ZNF254: variants seen among roughly 807,000 people sequenced by gnomAD.
ZNF254 encodes zinc finger protein 254, also known as CTD-2017D11.1.
In ZNF254, 10 loss-of-function variants were observed where a neutral mutation model predicts 12.4. That is an observed-to-expected ratio of 0.80 (90% confidence interval 0.50 to 1.36). ZNF254 has a LOEUF of 1.36. ZNF254 is among the 40% of genes most tolerant of loss of function. The pLI, the probability that ZNF254 is intolerant of heterozygous loss-of-function variation, is 0.00. For synonymous variants in ZNF254, 305 were observed against 253.4 expected, an observed-to-expected ratio of 1.20 and a Z score of -1.93; for missense variants, 996 against 763.9, an observed-to-expected ratio of 1.30 and a Z score of -3.58.
chr19:24,054,930 C>T (rs897963640), intron 2 of ZNF254, among the ~76,000 whole-genome samples: 6 of 151,936 alleles, frequency 3.9e-5, no homozygotes, highest in African/African-American at 7.2e-5. Flanking sequence ...ACTAACCAGG[C>T]GCAGTGGCTC....
upstream of ZNF254, among the ~76,000 whole-genome samples, chr19:24,082,181 T>G (rs2145584384): frequency 6.6e-6 from 1 of 151,656 alleles, no homozygotes; most frequent in Non-Finnish European, 1.5e-5. Context: ...ATTAAGAAGA[T>G]TCTTTATCAC....
At chr19:24,081,021 G>C (rs1332457660) in intron 2 of ZNF254, among the ~76,000 whole-genome samples, 1 of 151,040 alleles carries the variant, frequency 6.6e-6, no homozygotes, top group East Asian at 1.9e-4. Flanking sequence ...AAGTTGCAGT[G>C]AGCTGAGATC....
chr19:24,124,552 T>C (rs993999705), intron 3 of ZNF254, among the ~76,000 whole-genome samples: 9 of 152,160 alleles, frequency 5.9e-5, no homozygotes, highest in African/African-American at 2.2e-4. Context: ...CAATATACTT[T>C]TTTAGAATTT....
chr19:24,100,736 C>A (rs991648299), intron 1 of ZNF254, among the ~76,000 whole-genome samples: 1 of 150,752 alleles, frequency 6.6e-6, no homozygotes, highest in African/African-American at 2.4e-5. Flanking sequence ...AATCAAAGTG[C>A]AAATTCCAGG....
At chr19:24,107,833 T>C (rs1217208598) in intron 3 of ZNF254, among the ~76,000 whole-genome samples, 2 of 152,166 alleles carry the variant, frequency 1.3e-5, no homozygotes, top group Non-Finnish European at 2.9e-5. Context: ...CCCAGAGTGA[T>C]AGAATGTCCT....
In ZNF254 at chr19:24,129,225, G is replaced by C. The variant is rs1044856144; in HGVS notation, c.*1245G>C. ...CATTCTTAATTTTAGTTAAAATTAAGTTAGTCATATGTTATTTTATTAATT... is the reference window on the plus strand; with the variant it reads ...CATTCTTAATTTTAGTTAAAATTAACTTAGTCATATGTTATTTTATTAATT... On this transcript the variant is annotated 3_prime_UTR_variant, in exon 4 of 4. Transcript: ENST00000357002. The C allele has an allele frequency of 6.6e-5, 10 of 151,972 alleles. No individual in the cohort carries two copies. The highest frequency in any genetic ancestry group is 1.3e-4 in the Non-Finnish European group (9 of 67,910). 9.4% of individuals were successfully genotyped at this position (151,972 alleles called of 1,614,324 possible). A position where few individuals can be genotyped will look rare whatever the true frequency, so the allele number is the denominator to read the frequency against.
At position 24,080,334 on chromosome 19, in the gene ZNF254, T is replaced by G. The variant is rs565088414; in HGVS notation, c.-93-25606T>G. The G allele has an allele frequency of 9.4e-4, 143 of 152,258 alleles. 1 individual carries two copies. Among genetic ancestry groups the G allele is most frequent in the African/African-American group, 3.3e-3 (139 of 41,522 alleles). 9.4% of individuals were successfully genotyped at this position (152,258 alleles called of 1,614,324 possible). A position where few individuals can be genotyped will look rare whatever the true frequency, so the allele number is the denominator to read the frequency against. ...CACTGTGCCTTGGGCATAAATCAGGTTGCACACTGTAAGAAAACTGACCAC... is the reference window on the plus strand; with the variant it reads ...CACTGTGCCTTGGGCATAAATCAGGGTGCACACTGTAAGAAAACTGACCAC... On this transcript the variant is annotated intron_variant, in intron 2 of 4. Transcript: ENST00000613065.
intron 3 of ZNF254, among the ~76,000 whole-genome samples, chr19:24,115,449 C>G (rs1973984774): frequency 7.4e-6 from 1 of 134,760 alleles, no homozygotes; most frequent in Non-Finnish European, 1.5e-5. Flanking sequence ...ACCGCATATT[C>G]CCACTCATGG....
chr19:24,082,197 C>T (rs755975776), upstream of ZNF254, among the ~76,000 whole-genome samples: 4 of 151,848 alleles, frequency 2.6e-5, no homozygotes, highest in Non-Finnish European at 4.4e-5. Flanking sequence ...ATCACAAACC[C>T]TTGTGGCAGA....
At chr19:24,069,778 C>T (rs1009654552) in intron 2 of ZNF254, among the ~76,000 whole-genome samples, 1 of 151,672 alleles carries the variant, frequency 6.6e-6, no homozygotes, top group Non-Finnish European at 1.5e-5. Flanking sequence ...TGGTAAAACC[C>T]CATCTCTACT....
Position 24,127,726 on chromosome 19 carries a change from T to C in ZNF254, c.1726T>C (p.Cys576Arg), listed in dbSNP as rs777387206. 1.2e-5 allele frequency: 19 copies of C among 1,613,064 alleles called. No homozygotes were observed. The highest frequency in any genetic ancestry group is 1.5e-5 in the Non-Finnish European group (18 of 1,179,630). ...TCATACTGGAGAGAAACCCTATAAA[T>C]GTGAAGAATGTGGCAAATCTTTTAA... is the stretch of plus-strand genomic sequence containing the variant. ...RIHTGEKPYKCEECGKSFNRS... is the reference protein window; with the variant it reads ...RIHTGEKPYKREECGKSFNRS... Residue 576 changes from cysteine to arginine, a missense_variant, in exon 4 of 4, where the codon TGT becomes CGT. By Grantham distance (180) the Cys-to-Arg change is radical. Transcript: ENST00000357002.
chr19:24,033,732 T>C, intron 1 of ZNF254: 1 of 242,996 alleles, frequency 4.1e-6, no homozygotes, highest in Non-Finnish European at 8.5e-6. Context: ...GCTGGCGCAG[T>C]TCAGCCCCAG....
intron 1 of ZNF254, among the ~76,000 whole-genome samples, chr19:24,045,419 C>T (rs62113679): frequency 0.13 from 20,107 of 151,948 alleles, 1,424 homozygotes; most frequent in South Asian, 0.19. Context: ...TCTGTAATCC[C>T]AGCACTTTGG....
chr19:24,126,984 C>G lies in ZNF254; in HGVS notation c.984C>G (p.Gly328=). 2.5e-6 allele frequency: 4 copies of G among 1,613,506 alleles called. No homozygotes were observed. The highest frequency in any genetic ancestry group is 2.5e-6 in the Non-Finnish European group (3 of 1,179,788). Residue 328 remains glycine, a synonymous_variant, in exon 4 of 4, where the codon GGC becomes GGG. Coordinates refer to ENST00000357002, the MANE Select transcript of ZNF254 (RefSeq NM_203282.4). ...RKKPYKCEEC[G]KAFIWSSTLT... ...AACCCTACAAGTGTGAAGAATGTGG[C>G]AAAGCATTTATATGGTCCTCAACAC...
chr19:24,075,672 C>G (rs1273505740), intron 2 of ZNF254, among the ~76,000 whole-genome samples: 1 of 152,148 alleles, frequency 6.6e-6, no homozygotes, highest in Non-Finnish European at 1.5e-5. Context: ...GCTGTGCATG[C>G]ATTGTCATTG....
intron 1 of ZNF254, among the ~76,000 whole-genome samples, chr19:24,089,086 C>G (rs187693983): frequency 6.7e-6 from 1 of 149,838 alleles, no homozygotes. Flanking sequence ...AAGCGATTCT[C>G]CTGCCTCAGC....
At chr19:24,117,731 A>G (rs532259462) in intron 3 of ZNF254, among the ~76,000 whole-genome samples, 116 of 151,994 alleles carry the variant, frequency 7.6e-4, no homozygotes, top group African/African-American at 2.5e-3. Context: ...GTCACTCCCT[A>G]GTGAGATGAA....
chr19:24,066,571 G>A (rs566148871), intron 2 of ZNF254: 1 of 152,248 alleles, frequency 6.6e-6, no homozygotes, highest in African/African-American at 2.4e-5. Context: ...TTTGTGGCTG[G>A]GCATGGTGGC....
At position 24,128,088 on chromosome 19, in the gene ZNF254, C is replaced by A; in HGVS notation, c.*108C>A. The A allele has an allele frequency of 1.8e-6, 2 of 1,131,446 alleles. No homozygotes were observed. Among genetic ancestry groups the A allele is most frequent in the Non-Finnish European group, 2.4e-6 (2 of 850,656 alleles). The allele number at this position is 1,131,446 out of a possible 1,614,324, so 70.1% of individuals were successfully genotyped here. A position where few individuals can be genotyped will look rare whatever the true frequency, so the allele number is the denominator to read the frequency against. The stretch of plus-strand genomic sequence containing the variant: ...AGAGGCGCTAATGCTTTTGACAGTA[C>A]CTAAAACTTTAAAGAAAATCATTCT... On this transcript the variant is annotated 3_prime_UTR_variant, in exon 4 of 4. Transcript: ENST00000357002.
Sources: gnomAD v4.1 joint callset for allele counts (sites outside exome capture counted in the v4.1 genomes callset) on GRCh38, gnomAD v4.1.1 for gene constraint, MANE v1.5 for transcripts, NCBI Gene and HGNC (gene_info 2026-07-23, HGNC 2026-07-21) for gene names.